The following CTNNA3 variants were observed in gnomAD, a reference collection of about 807,000 sequenced individuals.
The protein encoded by CTNNA3 is catenin alpha-3.
Under a neutral mutation model 95.7 loss-of-function variants are expected in CTNNA3, and 76 were observed. The ratio of observed to expected loss-of-function variants is 0.79; its 90% CI spans 0.66 to 0.96. CTNNA3 has a LOEUF of 0.96. Ranked by LOEUF, CTNNA3 falls within the 40% of genes least tolerant of loss-of-function variation. The pLI, the probability that CTNNA3 is intolerant of heterozygous loss-of-function variation, is 0.00. For synonymous variants in CTNNA3, 431 were observed against 374.4 expected, an observed-to-expected ratio of 1.15 and a Z score of -1.74; for missense variants, 1,191 against 1,089.8, an observed-to-expected ratio of 1.09 and a Z score of -1.31.
chr10:67,411,076 C>G (rs570687182), intron 5 of CTNNA3, among the ~76,000 whole-genome samples: 3 of 152,088 alleles, frequency 2.0e-5, no homozygotes, highest in African/African-American at 7.2e-5. Context: ...CAGAAAAATG[C>G]TGGTGAAAGG....
chr10:66,759,191 GA>G (rs533540573), intron 9 of CTNNA3, among the ~76,000 whole-genome samples: 1 of 151,900 alleles, frequency 6.6e-6, no homozygotes, highest in Non-Finnish European at 1.5e-5. Flanking sequence ...CAAGATTTTT[GA>G]AAAAAACATT....
At chr10:67,016,739 C>T (rs906121438) in intron 7 of CTNNA3, among the ~76,000 whole-genome samples, 2 of 152,068 alleles carry the variant, frequency 1.3e-5, no homozygotes, top group African/African-American at 2.4e-5. Context: ...ATATGGACTT[C>T]GTAATTTGTA....
chr10:67,066,017 T>C (rs1856052710), intron 7 of CTNNA3, among the ~76,000 whole-genome samples: 3 of 152,066 alleles, frequency 2.0e-5, no homozygotes, highest in Admixed American at 2.0e-4. Context: ...TTAGAAATAA[T>C]AATTGCTCAT....
intron 4 of CTNNA3, among the ~76,000 whole-genome samples, chr10:67,532,535 C>T (rs1263999054): frequency 1.3e-5 from 2 of 152,152 alleles, no homozygotes; most frequent in African/African-American, 2.4e-5. Context: ...GGTCTATTAC[C>T]TAATCCAAAG....
intron 7 of CTNNA3, among the ~76,000 whole-genome samples, chr10:66,934,546 C>T (rs1474509570): frequency 6.6e-6 from 1 of 152,246 alleles, no homozygotes. Context: ...AACACCTCTA[C>T]AGTATATTAT....
intron 10 of CTNNA3, among the ~76,000 whole-genome samples, chr10:66,600,177 T>C (rs1191536766): frequency 5.1e-5 from 1 of 19,612 alleles, no homozygotes; most frequent in Non-Finnish European, 7.5e-5. Flanking sequence ...ATTTATTTAA[T>C]GATTAAAGAT....
At chr10:66,624,932 C>T (rs1589033941) in intron 9 of CTNNA3, among the ~76,000 whole-genome samples, 1 of 152,014 alleles carries the variant, frequency 6.6e-6, no homozygotes, top group South Asian at 2.1e-4. Flanking sequence ...TTGCTACATC[C>T]TTAACCAAGT....
intron 7 of CTNNA3, among the ~76,000 whole-genome samples, chr10:67,168,336 A>C (rs1861871909): frequency 6.6e-6 from 1 of 152,158 alleles, no homozygotes; most frequent in Non-Finnish European, 1.5e-5. Flanking sequence ...ACAAAAAAAG[A>C]AAACTTCAGA....
intron 7 of CTNNA3, among the ~76,000 whole-genome samples, chr10:67,070,630 C>A (rs1430406544): frequency 1.3e-5 from 2 of 151,810 alleles, no homozygotes; most frequent in African/African-American, 2.4e-5. Context: ...GCCTGTCTTC[C>A]CAGCTGCTTG....
At chr10:66,871,632 G>A (rs1436823321) in intron 7 of CTNNA3, among the ~76,000 whole-genome samples, 1 of 141,790 alleles carries the variant, frequency 7.1e-6, no homozygotes, top group African/African-American at 2.7e-5. Flanking sequence ...TATGGACAAA[G>A]AATTCCCATC....
intron 2 of CTNNA3, among the ~76,000 whole-genome samples, chr10:67,608,910 G>A (rs1346500862): frequency 1.3e-5 from 2 of 151,834 alleles, no homozygotes; most frequent in Non-Finnish European, 2.9e-5. Context: ...GACCAACATG[G>A]ACAAACCCCC....
rs571708345 is a variant in CTNNA3 at position 67,487,261 on chromosome 10, T to C, written c.579+34581A>G. 2.0e-5 allele frequency among the ~76,000 whole-genome samples: 3 copies of C among 152,240 alleles called. No homozygotes were observed. The South Asian group carries it at 6.2e-4, about 32-fold the overall frequency. Reference sequence around the variant, plus strand: ...TCATCCAAGGCATAACTGTTATAGGTTTTGACAGTAAGACATCCCCCTTGG... The same window carrying C: ...TCATCCAAGGCATAACTGTTATAGGCTTTGACAGTAAGACATCCCCCTTGG... On this transcript the variant is annotated intron_variant, in intron 5 of 17. Transcript: ENST00000433211.
chr10:66,758,359 C>G (rs1445914973), intron 9 of CTNNA3, among the ~76,000 whole-genome samples: 2 of 152,150 alleles, frequency 1.3e-5, no homozygotes, highest in African/African-American at 4.8e-5. Context: ...CTTTAACCAG[C>G]AGGGTTCAGT....
At chr10:67,253,849 G>A (rs78288109) in intron 5 of CTNNA3, among the ~76,000 whole-genome samples, 1,766 of 152,230 alleles carry the variant, frequency 0.012, 38 homozygotes, top group African/African-American at 0.039. Context: ...AGAAGGTAAT[G>A]CAATATGAGG....
intron 16 of CTNNA3, among the ~76,000 whole-genome samples, chr10:65,987,770 G>A (rs1403184530): frequency 1.3e-5 from 2 of 152,030 alleles, no homozygotes; most frequent in Non-Finnish European, 2.9e-5. Context: ...CTGTCAATCA[G>A]TTAGTTAGAA....
At chr10:66,310,362 T>C (rs1051303933) in intron 12 of CTNNA3, among the ~76,000 whole-genome samples, 1 of 152,154 alleles carries the variant, frequency 6.6e-6, no homozygotes, top group Admixed American at 6.5e-5. Flanking sequence ...CGATATCATA[T>C]GGACAAAGCC....
At chr10:67,049,305 G>A (rs551093694) in intron 7 of CTNNA3, among the ~76,000 whole-genome samples, 1 of 152,006 alleles carries the variant, frequency 6.6e-6, no homozygotes, top group Admixed American at 6.6e-5. Context: ...AACCAATGAT[G>A]AAGGCTCAAC....
At chr10:67,349,008 T>C (rs1406358176) in intron 5 of CTNNA3, among the ~76,000 whole-genome samples, 5 of 152,158 alleles carry the variant, frequency 3.3e-5, no homozygotes, top group Admixed American at 2.6e-4. Flanking sequence ...CACAATGAGA[T>C]ATCATCTCAC....
At chr10:67,204,087 T>C (rs1239978790) in intron 6 of CTNNA3, among the ~76,000 whole-genome samples, 1 of 152,188 alleles carries the variant, frequency 6.6e-6, no homozygotes, top group Non-Finnish European at 1.5e-5. Flanking sequence ...AATGGGCTTT[T>C]ATTAGAAGGA....
Sources: allele counts gnomAD v4.1 joint callset (sites outside exome capture counted in the v4.1 genomes callset), GRCh38; gene constraint gnomAD v4.1.1; transcripts MANE v1.5; gene names NCBI Gene and HGNC (gene_info 2026-07-23, HGNC 2026-07-21).